The following SEPSECS variants were observed in gnomAD, a reference collection of about 807,000 sequenced individuals.
SEPSECS encodes O-phosphoseryl-tRNA(Sec) selenium transferase.
SEPSECS carries 42 observed loss-of-function variants against 52.1 expected under a neutral mutation model. The observed-to-expected ratio is 0.81, with a 90% CI of 0.63 to 1.04. The LOEUF (loss-of-function observed/expected upper bound fraction) is 1.04, where lower values mean the gene tolerates loss of function less well. Ranked by LOEUF, SEPSECS falls within the 50% of genes least tolerant of loss-of-function variation. The probability of loss-of-function intolerance (pLI) is 0.00; values close to 1 mark genes in which losing one functional copy is unlikely to be tolerated. For synonymous variants in SEPSECS, 216 were observed against 211.4 expected (o/e 1.02, Z -0.19); for missense variants, 590 against 610.6 (o/e 0.97, Z 0.36).
chr4:25,156,729 AAAAAAAG>A, intron 3 of SEPSECS, 120 bp downstream of exon 3: 3 of 583,910 alleles, frequency 5.1e-6, no homozygotes, highest in East Asian at 6.7e-5. Context: ...AAAAAAAAAA[AAAAAAAG>A]AAGTCTTTTC....
intron 5 of SEPSECS, among the ~76,000 whole-genome samples, chr4:25,153,838 A>G (rs1376310704): frequency 6.6e-6 from 1 of 152,094 alleles, no homozygotes; most frequent in African/African-American, 2.4e-5. Context: ...ATCTTCATTA[A>G]ATTTTTTCTA....
chr4:25,132,764 G>A (rs556639754), intron 8 of SEPSECS, among the ~76,000 whole-genome samples: 12 of 152,266 alleles, frequency 7.9e-5, no homozygotes, highest in African/African-American at 2.4e-4. Flanking sequence ...TAGAGTGGGA[G>A]GGTCACAAGA....
At chr4:25,126,385 T>C (rs1462637116) in intron 9 of SEPSECS, among the ~76,000 whole-genome samples, 1 of 152,164 alleles carries the variant, frequency 6.6e-6, no homozygotes, top group African/African-American at 2.4e-5. Flanking sequence ...CTATAACATC[T>C]ACATAGATCA....
At chr4:25,125,631 G>T (rs968314551) in intron 10 of SEPSECS, 63 bp downstream of exon 10, 1 of 994,256 alleles carries the variant, frequency 1.0e-6, no homozygotes, top group African/African-American at 1.6e-5. Context: ...TTGAGGAAAG[G>T]TATTTTACTG....
chr4:25,153,503 T>C (rs1027918340), intron 5 of SEPSECS, among the ~76,000 whole-genome samples: 12 of 152,092 alleles, frequency 7.9e-5, no homozygotes, highest in African/African-American at 2.4e-4. Context: ...TCAAATTGTT[T>C]TCTAACTTAG....
intron 6 of SEPSECS, among the ~76,000 whole-genome samples, chr4:25,146,007 C>T (rs575789187): frequency 1.8e-4 from 27 of 152,210 alleles, no homozygotes; most frequent in Admixed American, 5.2e-4. Flanking sequence ...TCTAATATTC[C>T]GGTGAAAAAT....
rs2109034128 is a variant in SEPSECS at position 25,156,122 on chromosome 4, T to C, written c.462A>G (p.Thr154=). The C allele has an allele frequency of 6.2e-7, 1 of 1,613,992 alleles. No individual in the cohort carries two copies. The highest frequency in any genetic ancestry group is 2.2e-5 in the East Asian group (1 of 44,852). The change falls in exon 4 of 11, where the codon ACA becomes ACG. Residue 154 remains threonine (T), a synonymous_variant. Transcript: ENST00000382103. ...TGMSLTLCFL[T]LRHKRPKAKY... The stretch of plus-strand genomic sequence containing the variant: ...TTGCCTTTGGTCTTTTGTGTCGTAA[T>C]GTTAAGAAACACAGAGTTAGACTCA...
chr4:25,155,213 A>AC, intron 4 of SEPSECS, 62 bp from the exon 5 acceptor site: 1 of 1,554,316 alleles, frequency 6.4e-7, no homozygotes, highest in Non-Finnish European at 8.8e-7. Flanking sequence ...AGATCCTGAA[A>AC]CTCTAGGAAG....
chr4:25,157,899 T>C (rs978362771), intron 2 of SEPSECS, among the ~76,000 whole-genome samples: 3 of 152,194 alleles, frequency 2.0e-5, no homozygotes, highest in Non-Finnish European at 4.4e-5. Context: ...TAAGTTCCAA[T>C]GATGGTTCAA....
At chr4:25,140,199 G>A (rs1335042894) in intron 8 of SEPSECS, among the ~76,000 whole-genome samples, 2 of 152,328 alleles carry the variant, frequency 1.3e-5, no homozygotes, top group Non-Finnish European at 1.5e-5. Flanking sequence ...TGAAAGAGGA[G>A]GGACACTGTA....
chr4:25,135,245 G>GT (rs1728790619), intron 8 of SEPSECS, among the ~76,000 whole-genome samples: 1 of 139,214 alleles, frequency 7.2e-6, no homozygotes, highest in Admixed American at 7.1e-5. Flanking sequence ...ACGAAAAACC[G>GT]TTAAAAAAAA....
chr4:25,159,532 A>T (rs772657717), intron 1 of SEPSECS: 5 of 423,610 alleles, frequency 1.2e-5, no homozygotes, highest in South Asian at 8.1e-5. Flanking sequence ...AGCACTTTGG[A>T]AGGCCAAGAA....
rs371106400 is a variant in SEPSECS at position 25,144,729 on chromosome 4, A to G, written c.1026+45T>C. 12 of 1,325,074 alleles carry G rather than the reference A, an allele frequency of 9.1e-6. No homozygotes were observed. The African/African-American group carries it at 1.6e-4, about 18-fold the overall frequency. The allele number at this position is 1,325,074 out of a possible 1,614,324, so 82.1% of individuals were successfully genotyped here. ...AGAAAACACCAATGATTTGGAGCAC[A>G]GTTCTAGTCAAGAATGTTATTCGAC... On this transcript the variant is annotated intron_variant, in intron 8 of 10. Coordinates refer to ENST00000382103, the MANE Select transcript of SEPSECS (RefSeq NM_016955.4).
intron 8 of SEPSECS, among the ~76,000 whole-genome samples, chr4:25,135,376 CGGGGTA>C (rs1728800786): frequency 6.6e-6 from 1 of 151,620 alleles, no homozygotes; most frequent in Non-Finnish European, 1.5e-5. Flanking sequence ...AAATGATAAA[CGGGGTA>C]TCACCACTGA....
intron 4 of SEPSECS, 125 bp downstream of exon 4, chr4:25,155,912 A>AT (rs1294891950): frequency 2.2e-6 from 2 of 896,526 alleles, no homozygotes; most frequent in East Asian, 2.7e-5. Flanking sequence ...ATATTTTACA[A>AT]TTTTTTCTTT....
intron 6 of SEPSECS, among the ~76,000 whole-genome samples, chr4:25,147,714 C>A (rs1378620222): frequency 6.6e-6 from 1 of 152,050 alleles, no homozygotes; most frequent in Non-Finnish European, 1.5e-5. Context: ...ACAGAATACT[C>A]TATATGCTCA....
intron 6 of SEPSECS, among the ~76,000 whole-genome samples, 176 bp downstream of exon 6, chr4:25,151,784 A>G (rs1490667381): frequency 2.0e-5 from 3 of 152,212 alleles, no homozygotes; most frequent in African/African-American, 7.2e-5. Context: ...TCACCACAGT[A>G]TCAAAGAATA....
rs77700785 is a variant in SEPSECS, at chr4:25,145,445, T to A, written c.805-312A>T. ...AATGTTTTTAAGTATTAAACCAAAA[T>A]TTTTAATGGTGCTCCTTATATGTGC... is the stretch of plus-strand genomic sequence containing the variant. On this transcript the variant is annotated intron_variant, in intron 6 of 10. Coordinates refer to ENST00000382103, the MANE Select transcript of SEPSECS (RefSeq NM_016955.4). Among the ~76,000 whole-genome samples the A allele has an allele frequency of 0.016, 2,410 of 152,330 alleles. 40 individuals are homozygous for A. Among genetic ancestry groups the A allele is most frequent in the South Asian group, 0.039 (187 of 4,830 alleles).
At chr4:25,143,272 A>G (rs1472484358) in intron 8 of SEPSECS, among the ~76,000 whole-genome samples, 3 of 152,206 alleles carry the variant, frequency 2.0e-5, no homozygotes, top group East Asian at 1.9e-4. Context: ...ATGAATTTTG[A>G]CAAATATATA....
Sources: allele counts gnomAD v4.1 joint callset (sites outside exome capture counted in the v4.1 genomes callset), GRCh38; gene constraint gnomAD v4.1.1; transcripts MANE v1.5; gene names NCBI Gene and HGNC (gene_info 2026-07-23, HGNC 2026-07-21).